HCK: variants seen among roughly 807,000 people sequenced by gnomAD.
HCK encodes HCK proto-oncogene, Src family tyrosine kinase.
Under a neutral mutation model 70.4 loss-of-function variants are expected in HCK, and 40 were observed. That is an observed-to-expected ratio of 0.57 (90% confidence interval 0.44 to 0.74). HCK has a LOEUF of 0.74. Among genes scored for constraint, HCK ranks in the 30% least tolerant of loss-of-function variants. The pLI is 0.00. For missense variants in HCK, 568 were observed against 697.2 expected (o/e 0.81, Z 2.09); for synonymous variants, 245 against 263.2 (o/e 0.93, Z 0.67).
rs142016443 is a variant in HCK at position 32,073,188 on chromosome 20, G to T, written c.184-131G>T. 2.8e-3 allele frequency: 2,058 copies of T among 724,398 alleles called. 35 individuals carry two copies. In the African/African-American group the frequency reaches 0.034, roughly 12 times the overall value. The allele number at this position is 724,398 out of a possible 1,614,324, so 44.9% of individuals were successfully genotyped here. On this transcript the variant is annotated intron_variant, in intron 2 of 12. Coordinates refer to ENST00000375852, the MANE Select transcript of HCK (RefSeq NM_002110.5). ...TGTGGTGCCAGGCATGTCCCCTGCC[G>T]TATGTGGGCCTCCTCCCACGACATG...
chr20:32,089,855 A>G (rs900300641), intron 10 of HCK, among the ~76,000 whole-genome samples: 21 of 152,382 alleles, frequency 1.4e-4, no homozygotes, highest in African/African-American at 5.0e-4. Flanking sequence ...GAAGTTCAGT[A>G]GATGAAGAGA....
At chr20:32,084,566 C>T (rs1436792913) in intron 8 of HCK, 23 bp downstream of exon 8, 1 of 1,605,298 alleles carries the variant, frequency 6.2e-7, no homozygotes, top group Non-Finnish European at 8.5e-7. Flanking sequence ...GGCCACAGCC[C>T]ACAGGGCCAG....
chr20:32,055,631 A>G (rs1018592641), intron 1 of HCK, among the ~76,000 whole-genome samples: 3 of 152,224 alleles, frequency 2.0e-5, no homozygotes, highest in Admixed American at 6.5e-5. Flanking sequence ...AATCTTTTAT[A>G]TAGTTCAAAA....
intron 2 of HCK, among the ~76,000 whole-genome samples, chr20:32,072,891 A>T (rs1389483427): frequency 3.3e-5 from 5 of 152,182 alleles, no homozygotes. Flanking sequence ...TTGGGAGGTC[A>T]GGAGTTCTAG....
intron 5 of HCK, among the ~76,000 whole-genome samples, chr20:32,074,947 T>C (rs1040913209): frequency 1.3e-5 from 2 of 152,128 alleles, no homozygotes; most frequent in African/African-American, 4.8e-5. Context: ...CCTGTTTTAA[T>C]CCCTTCTGAA....
chr20:32,094,751 A>AAGAGAGAG (rs1327921414), intron 11 of HCK, among the ~76,000 whole-genome samples: 963 of 87,592 alleles, frequency 0.011, 6 homozygotes, highest in Non-Finnish European at 0.016. Context: ...GAAAGAAAGA[A>AAGAGAGAG]AGAAAGAAAG....
At chr20:32,078,621 C>T (rs1428484763) in intron 5 of HCK, among the ~76,000 whole-genome samples, 2 of 151,784 alleles carry the variant, frequency 1.3e-5, no homozygotes, top group Non-Finnish European at 2.9e-5. Flanking sequence ...CTTTGGGAGG[C>T]CAAGGTGGAT....
chr20:32,073,187 C>A, intron 2 of HCK, 132 bp from the exon 3 acceptor site: 1 of 717,626 alleles, frequency 1.4e-6, no homozygotes, highest in Non-Finnish European at 2.4e-6. Context: ...TGTCCCCTGC[C>A]GTATGTGGGC....
At chr20:32,068,547 C>T (rs1306358095) in intron 1 of HCK, among the ~76,000 whole-genome samples, 1 of 152,106 alleles carries the variant, frequency 6.6e-6, no homozygotes, top group African/African-American at 2.4e-5. Flanking sequence ...CAGTCCACAC[C>T]AGGCAGCAGA....
At chr20:32,089,611 A>G (rs1453424444) in intron 10 of HCK, among the ~76,000 whole-genome samples, 1 of 152,194 alleles carries the variant, frequency 6.6e-6, no homozygotes, top group Admixed American at 6.5e-5. Context: ...ACACTGCTGA[A>G]AACCTAATTT....
chr20:32,073,801 G>C lies in HCK; in HGVS notation c.312G>C (p.Gln104His). The change falls in exon 4 of 13, where the codon CAG (glutamine) becomes CAC (histidine). Residue 104 changes from glutamine (Q) to histidine (H), a missense_variant. Transcript: ENST00000375852. ...ACCTCAGCTTCCAGAAGGGGGACCAGATGGTGGTCCTAGAGGAGTGAGTCC... is the reference window on the plus strand; with the variant it reads ...ACCTCAGCTTCCAGAAGGGGGACCACATGGTGGTCCTAGAGGAGTGAGTCC... 6.4e-7 allele frequency: 1 copy of C among 1,550,820 alleles called. No individual in the cohort carries two copies. The highest frequency in any genetic ancestry group is 1.2e-5 in the South Asian group (1 of 84,162).
intron 6 of HCK, among the ~76,000 whole-genome samples, chr20:32,083,229 C>G (rs2045731736): frequency 6.6e-6 from 1 of 152,188 alleles, no homozygotes; most frequent in Non-Finnish European, 1.5e-5. Context: ...CCTGGATCAT[C>G]TGGAATAATC....
intron 1 of HCK, among the ~76,000 whole-genome samples, chr20:32,065,171 G>A (rs1273588962): frequency 2.0e-5 from 3 of 152,212 alleles, no homozygotes; most frequent in African/African-American, 7.2e-5. Context: ...CCAAACTCAA[G>A]TATTCTGACT....
Position 32,101,728 on chromosome 20 carries a change from C to T in HCK, c.*209C>T. On this transcript the variant is annotated 3_prime_UTR_variant, in exon 13 of 13. Transcript: ENST00000375852. The stretch of plus-strand genomic sequence containing the variant: ...CACAATCTGACATTCTCAGGAAGCC[C>T]CCAAGTTGATATTTCTATTTCCTGG... The T allele has an allele frequency of 2.2e-6, 1 of 457,764 alleles. No homozygotes were observed. Among genetic ancestry groups the T allele is most frequent in the Non-Finnish European group, 3.9e-6 (1 of 257,926 alleles). 28.4% of individuals were successfully genotyped at this position (457,764 alleles called of 1,614,324 possible).
intron 1 of HCK, among the ~76,000 whole-genome samples, chr20:32,068,281 A>G (rs2045488849): frequency 6.6e-6 from 1 of 151,954 alleles, no homozygotes; most frequent in Non-Finnish European, 1.5e-5. Flanking sequence ...CTGGGCAACA[A>G]GAGCAAAACT....
At chr20:32,059,289 T>TTCCTTCCC (rs2045326388) in intron 1 of HCK, among the ~76,000 whole-genome samples, 2 of 149,650 alleles carry the variant, frequency 1.3e-5, no homozygotes, top group South Asian at 2.1e-4. Flanking sequence ...TCTTCCTTCC[T>TTCCTTCCC]TCCTTCCCTC....
intron 1 of HCK, chr20:32,054,428 A>C (rs1680690405): frequency 2.6e-6 from 1 of 383,584 alleles, no homozygotes; most frequent in South Asian, 1.8e-5. Flanking sequence ...GTGAGCCGAG[A>C]TCGCGCCATT....
chr20:32,082,688 G>T (rs2045724778), intron 6 of HCK, among the ~76,000 whole-genome samples: 1 of 151,982 alleles, frequency 6.6e-6, no homozygotes, highest in Admixed American at 6.6e-5. Flanking sequence ...CTATGACATT[G>T]TACTATTATC....
chr20:32,087,986 G>C (rs2045814027), intron 9 of HCK, among the ~76,000 whole-genome samples: 1 of 152,084 alleles, frequency 6.6e-6, no homozygotes, highest in Non-Finnish European at 1.5e-5. Context: ...TCTTGCCCCA[G>C]CTGGTCTCAA....
Sources: allele counts gnomAD v4.1 joint callset (sites outside exome capture counted in the v4.1 genomes callset), GRCh38; gene constraint gnomAD v4.1.1; transcripts MANE v1.5; gene names NCBI Gene and HGNC (gene_info 2026-07-23, HGNC 2026-07-21).